The following SGCD variants were observed in gnomAD, a reference collection of about 807,000 sequenced individuals.
SGCD encodes sarcoglycan delta, also known as delta-sarcoglycan.
SGCD carries 18 observed loss-of-function variants against 36.6 expected under a neutral mutation model. That is an observed-to-expected ratio of 0.49 (90% confidence interval 0.34 to 0.73). The LOEUF is 0.73. SGCD is among the 30% of genes least tolerant of loss of function. SGCD has a pLI of 0.01. For synonymous variants in SGCD, 133 were observed against 130.6 expected (o/e 1.02, Z -0.12); for missense variants, 387 against 346.7 (o/e 1.12, Z -0.92).
intron 6 of SGCD, among the ~76,000 whole-genome samples, chr5:156,643,183 C>T (rs1297483342): frequency 6.6e-6 from 1 of 152,010 alleles, no homozygotes; most frequent in Non-Finnish European, 1.5e-5. Context: ...CAGGAATGCA[C>T]CACCACGCCC....
chr5:156,380,033 C>T (rs931051645), intron 3 of SGCD, among the ~76,000 whole-genome samples: 2 of 151,912 alleles, frequency 1.3e-5, no homozygotes, highest in African/African-American at 4.8e-5. Context: ...GTGTGGGCTC[C>T]CCCAGGTCTA....
the SGCD span, among the ~76,000 whole-genome samples, chr5:155,823,163 A>T: frequency 6.6e-6 from 1 of 151,976 alleles, no homozygotes; most frequent in Non-Finnish European, 1.5e-5. Flanking sequence ...GAGATTTATT[A>T]TGAGGAATAT....
the SGCD span, among the ~76,000 whole-genome samples, chr5:155,766,128 C>T: frequency 6.6e-6 from 1 of 151,946 alleles, no homozygotes; most frequent in Non-Finnish European, 1.5e-5. Flanking sequence ...AATGGAGGCA[C>T]CTAGAAGGGA....
At chr5:156,391,315 C>T (rs1264434559) in intron 3 of SGCD, among the ~76,000 whole-genome samples, 2 of 152,188 alleles carry the variant, frequency 1.3e-5, no homozygotes, top group East Asian at 1.9e-4. Context: ...TGTGTAAGTA[C>T]ACGCTATGTT....
chr5:156,132,456 G>GTTTTTTTT (rs1561532851), intron 3 of SGCD, among the ~76,000 whole-genome samples: 2 of 73,584 alleles, frequency 2.7e-5, no homozygotes, highest in African/African-American at 6.1e-5. Flanking sequence ...AACTTACCAA[G>GTTTTTTTT]TCTTTTTTTT....
At chr5:156,562,084 T>A (rs1581171397) in intron 4 of SGCD, among the ~76,000 whole-genome samples, 1 of 152,208 alleles carries the variant, frequency 6.6e-6, no homozygotes, top group South Asian at 2.1e-4. Flanking sequence ...GGTACTGTTT[T>A]AGCTACTTGG....
chr5:156,449,653 G>T, intron 3 of SGCD, among the ~76,000 whole-genome samples: 2 of 115,406 alleles, frequency 1.7e-5, no homozygotes, highest in African/African-American at 3.5e-5. Context: ...CCAACATGTT[G>T]AAACTCCGTC....
At chr5:155,801,405 G>C in the SGCD span, among the ~76,000 whole-genome samples, 2 of 152,264 alleles carry the variant, frequency 1.3e-5, no homozygotes, top group East Asian at 3.9e-4. Flanking sequence ...ATTCTCAAAA[G>C]GGTTAATGTT....
chr5:155,817,020 A>G, the SGCD span, among the ~76,000 whole-genome samples: 1 of 152,188 alleles, frequency 6.6e-6, no homozygotes, highest in Admixed American at 6.5e-5. Context: ...TGTTGCAATC[A>G]TAGTATATAC....
At chr5:156,088,339 G>A (rs1230307309) in intron 1 of SGCD, among the ~76,000 whole-genome samples, 1 of 152,094 alleles carries the variant, frequency 6.6e-6, no homozygotes, top group Non-Finnish European at 1.5e-5. Flanking sequence ...GAGTCATTGA[G>A]AGTCTTATTT....
chr5:155,825,210 A>G, the SGCD span, among the ~76,000 whole-genome samples: 1 of 152,218 alleles, frequency 6.6e-6, no homozygotes, highest in Middle Eastern at 3.2e-3. Flanking sequence ...AATGAGGAGA[A>G]TGAAGGTAAT....
chr5:155,795,500 A>G, the SGCD span, among the ~76,000 whole-genome samples: 1,408 of 152,286 alleles, frequency 9.2e-3, 20 homozygotes, highest in African/African-American at 0.032. Flanking sequence ...TTGAGTAACC[A>G]CTAACAAACT....
chr5:156,334,273 C>T (rs1768214387), intron 2 of SGCD, among the ~76,000 whole-genome samples: 1 of 152,164 alleles, frequency 6.6e-6, no homozygotes, highest in South Asian at 2.1e-4. Context: ...CTAAGAGTAT[C>T]TGCCACTACT....
intron 3 of SGCD, among the ~76,000 whole-genome samples, chr5:156,430,991 G>T (rs1465472330): frequency 1.3e-5 from 2 of 152,150 alleles, no homozygotes; most frequent in African/African-American, 4.8e-5. Context: ...GGTAGGGACT[G>T]GTTGTAGATA....
Position 156,058,745 on chromosome 5 carries a change from ATT to A in SGCD, c.-281-59131_-281-59130del. On this transcript the variant is annotated intron_variant, in intron 1 of 9. Transcript: ENST00000517913. ...TTACATTATGATTAATGAAAAGTAT[ATT>A]TGTTTTATAAAGATATATAATGGAA... Among the ~76,000 whole-genome samples, 2 of 146,534 alleles carry A rather than the reference ATT, an allele frequency of 1.4e-5. 1 individual carries two copies. Among genetic ancestry groups the A allele is most frequent in the Middle Eastern group, 7.1e-3 (2 of 280 alleles).
At chr5:156,474,603 C>A (rs530123293) in intron 3 of SGCD, among the ~76,000 whole-genome samples, 1 of 152,262 alleles carries the variant, frequency 6.6e-6, no homozygotes, top group South Asian at 2.1e-4. Context: ...AAAGAGGCAG[C>A]CAGCTGGGTT....
chr5:156,000,523 A>G (rs1337929887), intron 1 of SGCD, among the ~76,000 whole-genome samples: 2 of 152,190 alleles, frequency 1.3e-5, no homozygotes, highest in Non-Finnish European at 2.9e-5. Flanking sequence ...AATTTTTTCA[A>G]ATAAACCCAT....
chr5:155,751,413 A>G, the SGCD span, among the ~76,000 whole-genome samples: 2 of 152,008 alleles, frequency 1.3e-5, no homozygotes, highest in African/African-American at 4.8e-5. Context: ...TTCTTTTTTG[A>G]GACAGACTTT....
chr5:156,243,202 C>T (rs1197966975), intron 3 of SGCD, among the ~76,000 whole-genome samples: 1 of 152,208 alleles, frequency 6.6e-6, no homozygotes, highest in Admixed American at 6.5e-5. Flanking sequence ...GAGGTCTATG[C>T]TCAGGGCATT....
Sources: allele counts gnomAD v4.1 joint callset (sites outside exome capture counted in the v4.1 genomes callset), GRCh38; gene constraint gnomAD v4.1.1; transcripts MANE v1.5; gene names NCBI Gene and HGNC (gene_info 2026-07-23, HGNC 2026-07-21).